DNAI4: variants seen among roughly 807,000 people sequenced by gnomAD.
The protein encoded by DNAI4 is WD repeat domain 78.
In DNAI4, 85 loss-of-function variants were observed where a neutral mutation model predicts 105.8. The observed-to-expected ratio is 0.80, with a 90% CI of 0.67 to 0.96. The LOEUF is 0.96. Ranked by LOEUF, DNAI4 falls within the 40% of genes least tolerant of loss-of-function variation. DNAI4 has a pLI of 0.00. For missense variants in DNAI4, 1,014 were observed against 1,005.6 expected (o/e 1.01, Z -0.11); for synonymous variants, 352 against 331.5 (o/e 1.06, Z -0.67).
chr1:66,845,776 C>A (rs113848426), intron 8 of DNAI4, among the ~76,000 whole-genome samples: 4 of 151,406 alleles, frequency 2.6e-5, no homozygotes, highest in African/African-American at 9.7e-5. Flanking sequence ...ACTTTATGAA[C>A]CCACTTATAT....
intron 13 of DNAI4, among the ~76,000 whole-genome samples, chr1:66,829,402 G>A (rs1026050100): frequency 2.6e-5 from 4 of 152,074 alleles, no homozygotes; most frequent in African/African-American, 9.7e-5. Context: ...CCAGTTAAAA[G>A]TAAGCTGAAG....
chr1:66,839,992 G>A (rs1646114542), intron 9 of DNAI4, among the ~76,000 whole-genome samples: 1 of 152,136 alleles, frequency 6.6e-6, no homozygotes, highest in Non-Finnish European at 1.5e-5. Context: ...TGCTGTTTAA[G>A]CTCTTGCTAA....
At chr1:66,869,701 G>A (rs575896453) in intron 6 of DNAI4, among the ~76,000 whole-genome samples, 1 of 152,288 alleles carries the variant, frequency 6.6e-6, no homozygotes, top group Non-Finnish European at 1.5e-5. Context: ...ATAATGTTTA[G>A]ATTGGCTGAT....
intron 6 of DNAI4, 118 bp downstream of exon 6, chr1:66,871,252 T>C: frequency 1.1e-6 from 1 of 893,526 alleles, no homozygotes; most frequent in South Asian, 2.2e-5. Flanking sequence ...ACTGTTGTGG[T>C]TTGGCCAAAT....
intron 10 of DNAI4, 183 bp downstream of exon 10, chr1:66,837,527 A>G (rs1030613283): frequency 2.9e-6 from 2 of 691,040 alleles, no homozygotes; most frequent in Non-Finnish European, 4.6e-6. Flanking sequence ...GAATTAATAA[A>G]TGAATTATCT....
chr1:66,861,614 G>A (rs1396395836), intron 7 of DNAI4, among the ~76,000 whole-genome samples: 1 of 152,166 alleles, frequency 6.6e-6, no homozygotes, highest in East Asian at 1.9e-4. Flanking sequence ...TACACGTACT[G>A]ACATTTTGGG....
At chr1:66,905,026 G>A (rs1422764401) in intron 2 of DNAI4, 175 bp downstream of exon 2, 8 of 459,960 alleles carry the variant, frequency 1.7e-5, no homozygotes, top group East Asian at 3.3e-5. Context: ...ACTAGTTATA[G>A]GAGCCAAGTG....
At chr1:66,913,857 C>T (rs1422095704) in intron 1 of DNAI4, among the ~76,000 whole-genome samples, 1 of 152,046 alleles carries the variant, frequency 6.6e-6, no homozygotes, top group Non-Finnish European at 1.5e-5. Context: ...TGGCGGGCAC[C>T]TGTAGTCCCA....
At chr1:66,910,908 A>G (rs1649609969) in intron 1 of DNAI4, among the ~76,000 whole-genome samples, 1 of 152,186 alleles carries the variant, frequency 6.6e-6, no homozygotes, top group Non-Finnish European at 1.5e-5. Flanking sequence ...CAATCAATAC[A>G]GATTTCTGTG....
chr1:66,852,098 G>C (rs940549604), intron 7 of DNAI4, among the ~76,000 whole-genome samples: 1 of 151,748 alleles, frequency 6.6e-6, no homozygotes, highest in Non-Finnish European at 1.5e-5. Context: ...AGACGTCAAA[G>C]TGATAATAAC....
chr1:66,887,744 C>T (rs989231959), intron 4 of DNAI4, among the ~76,000 whole-genome samples: 6 of 151,900 alleles, frequency 3.9e-5, no homozygotes, highest in Non-Finnish European at 8.8e-5. Context: ...GAGGCCAAGG[C>T]GGCGGATCAC....
chr1:66,905,411 C>G (rs1324116001), intron 1 of DNAI4, 36 bp from the exon 2 acceptor site: 1 of 1,334,184 alleles, frequency 7.5e-7, no homozygotes, highest in Non-Finnish European at 9.8e-7. Context: ...GCAAAGGATT[C>G]AAGATTGAAA....
chr1:66,828,937 C>T (rs934724358), intron 13 of DNAI4, among the ~76,000 whole-genome samples: 3 of 152,084 alleles, frequency 2.0e-5, no homozygotes, highest in Admixed American at 6.6e-5. Flanking sequence ...TTTTCGCTAG[C>T]GATCTTCAAG....
intron 7 of DNAI4, among the ~76,000 whole-genome samples, chr1:66,849,835 A>T (rs566116716): frequency 3.5e-4 from 54 of 152,240 alleles, no homozygotes; most frequent in African/African-American, 1.3e-3. Context: ...AAATCAGTAA[A>T]CTGGAAGAGA....
chr1:66,882,525 T>TC (rs61171065), intron 4 of DNAI4, among the ~76,000 whole-genome samples: 3 of 144,826 alleles, frequency 2.1e-5, no homozygotes, highest in African/African-American at 7.4e-5. Flanking sequence ...TCTCTCTCTC[T>TC]TTTTTTTTGC....
chr1:66,885,688 C>A (rs1647181060), intron 4 of DNAI4, among the ~76,000 whole-genome samples: 1 of 151,846 alleles, frequency 6.6e-6, no homozygotes, highest in Admixed American at 6.6e-5. Flanking sequence ...AAAAACCTGT[C>A]TGTACAAAAA....
At chr1:66,839,970 C>CTA (rs1265286694) in intron 9 of DNAI4, among the ~76,000 whole-genome samples, 1 of 152,072 alleles carries the variant, frequency 6.6e-6, no homozygotes, top group Non-Finnish European at 1.5e-5. Context: ...ATAGTGCCTG[C>CTA]TATATACTAA....
chr1:66,871,627 G>A, intron 5 of DNAI4, 118 bp from the exon 6 acceptor site: 3 of 1,013,484 alleles, frequency 3.0e-6, no homozygotes, highest in Non-Finnish European at 4.2e-6. Context: ...ACCAAAAAGT[G>A]AAGTGAGACT....
At chr1:66,838,770 T>C (rs982645954) in intron 9 of DNAI4, among the ~76,000 whole-genome samples, 2 of 152,218 alleles carry the variant, frequency 1.3e-5, no homozygotes, top group Non-Finnish European at 2.9e-5. Flanking sequence ...TCCCTATTTA[T>C]CTCTTCTAGA....
Sources: gnomAD v4.1 joint callset for allele counts (sites outside exome capture counted in the v4.1 genomes callset) on GRCh38, gnomAD v4.1.1 for gene constraint, MANE v1.5 for transcripts, NCBI Gene and HGNC (gene_info 2026-07-23, HGNC 2026-07-21) for gene names.